Variants in PRKCI observed in about 807,000 individuals in gnomAD.
The protein encoded by PRKCI is protein kinase C iota type.
A neutral mutation model predicts 84.0 loss-of-function variants in PRKCI; 43 were observed. The ratio of observed to expected loss-of-function variants is 0.51; its 90% CI spans 0.40 to 0.66. The LOEUF is 0.66. PRKCI is among the 30% of genes least tolerant of loss of function. The pLI is 0.00. For synonymous variants in PRKCI, 216 were observed against 234.4 expected (o/e 0.92, Z 0.72); for missense variants, 459 against 745.6 (o/e 0.62, Z 4.48).
At chr3:170,224,012 A>T (rs1326289777) in intron 1 of PRKCI, among the ~76,000 whole-genome samples, 1 of 151,234 alleles carries the variant, frequency 6.6e-6, no homozygotes, top group East Asian at 1.9e-4. Flanking sequence ...GGTGTGCTGC[A>T]CCCATTAACT....
intron 1 of PRKCI, among the ~76,000 whole-genome samples, chr3:170,226,139 C>G (rs1732621956): frequency 6.6e-6 from 1 of 152,144 alleles, no homozygotes; most frequent in African/African-American, 2.4e-5. Flanking sequence ...CTCCCAACTT[C>G]TGACCTCAAG....
chr3:170,252,324 G>A (rs1733472307), intron 2 of PRKCI, among the ~76,000 whole-genome samples: 1 of 57,068 alleles, frequency 1.8e-5, no homozygotes, highest in African/African-American at 4.6e-5. Context: ...TAAATGGGCA[G>A]ACTTTTTTTT....
chr3:170,250,978 A>G (rs1396024920), intron 2 of PRKCI, among the ~76,000 whole-genome samples: 1 of 152,208 alleles, frequency 6.6e-6, no homozygotes, highest in Non-Finnish European at 1.5e-5. Context: ...TTATAAAATG[A>G]GCATATGAAA....
chr3:170,285,149 G>A (rs960437200), intron 12 of PRKCI, among the ~76,000 whole-genome samples: 1 of 147,988 alleles, frequency 6.8e-6, no homozygotes, highest in Non-Finnish European at 1.5e-5. Flanking sequence ...GCGCAATCTC[G>A]GCTCAGTGCC....
chr3:170,305,716 G>T lies in PRKCI; in HGVS notation c.*2589G>T, dbSNP rs2108871124. ...CTCAAAATACTCAACAGGGGAATAG[G>T]CAGCGGACAGTCAGAATGGTTGGAA... On this transcript the variant is annotated 3_prime_UTR_variant, in exon 18 of 18. Transcript: ENST00000295797. 6.6e-6 allele frequency: 1 copy of T among 152,288 alleles called. No individual in the cohort carries two copies. Among genetic ancestry groups the T allele is most frequent in the East Asian group, 1.9e-4 (1 of 5,184 alleles). The allele number at this position is 152,288 out of a possible 1,614,324, so 9.4% of individuals were successfully genotyped here.
chr3:170,293,223 G>T, intron 13 of PRKCI, 160 bp from the exon 14 acceptor site: 1 of 544,034 alleles, frequency 1.8e-6, no homozygotes, highest in South Asian at 3.7e-5. Context: ...GTTGATAAAT[G>T]AAGCATTTCT....
intron 2 of PRKCI, among the ~76,000 whole-genome samples, chr3:170,247,730 CAAAAAAAAAAAAAAAAA>C (rs72411481): frequency 3.6e-5 from 1 of 27,896 alleles, no homozygotes; most frequent in Non-Finnish European, 6.4e-5. Flanking sequence ...AACTCTGTCT[CAAAAAAAAAAAAAAAAA>C]AAAAAAAAAA....
At chr3:170,285,907 C>G (rs1164035230) in intron 12 of PRKCI, among the ~76,000 whole-genome samples, 1 of 148,030 alleles carries the variant, frequency 6.8e-6, no homozygotes, top group African/African-American at 2.5e-5. Flanking sequence ...CCATCCCTGG[C>G]TAATTTTAAT....
chr3:170,288,524 G>A (rs1307222544), intron 12 of PRKCI, among the ~76,000 whole-genome samples: 4 of 152,172 alleles, frequency 2.6e-5, no homozygotes, highest in Admixed American at 6.5e-5. Context: ...CAAGGCAGGC[G>A]GATTACTTGA....
At chr3:170,281,353 T>C (rs1359681201) in intron 10 of PRKCI, 90 bp downstream of exon 10, 7 of 1,008,972 alleles carry the variant, frequency 6.9e-6, no homozygotes, top group Admixed American at 5.8e-5. Flanking sequence ...ATTCATGAAG[T>C]TGATATCATG....
At chr3:170,235,566 C>CTTTTTTTTGTTTTT (rs1336042523) in intron 2 of PRKCI, among the ~76,000 whole-genome samples, 3 of 136,236 alleles carry the variant, frequency 2.2e-5, no homozygotes, top group African/African-American at 8.0e-5. Context: ...ATTAACTTGA[C>CTTTTTTTTGTTTTT]TTTTTTTTTT....
chr3:170,236,059 T>A (rs1046844251), intron 2 of PRKCI, among the ~76,000 whole-genome samples: 6 of 151,512 alleles, frequency 4.0e-5, no homozygotes, highest in Non-Finnish European at 1.5e-5. Context: ...GTACTGGGAT[T>A]GCAAGCAGGA....
At chr3:170,241,642 C>CT (rs1733135408) in intron 2 of PRKCI, among the ~76,000 whole-genome samples, 1 of 151,846 alleles carries the variant, frequency 6.6e-6, no homozygotes, top group South Asian at 2.1e-4. Context: ...CGTAGTTCAC[C>CT]TTTGTTTTGA....
At chr3:170,291,176 A>T (rs1161247370) in intron 12 of PRKCI, among the ~76,000 whole-genome samples, 1 of 152,102 alleles carries the variant, frequency 6.6e-6, no homozygotes, top group Non-Finnish European at 1.5e-5. Flanking sequence ...AAACAGAAGG[A>T]AAATATTGTA....
chr3:170,300,704 A>G (rs1001610017), intron 17 of PRKCI, among the ~76,000 whole-genome samples: 18 of 124,152 alleles, frequency 1.4e-4, no homozygotes, highest in Non-Finnish European at 2.7e-4. Flanking sequence ...TTTTTTTTTT[A>G]CTGTCAACAC....
chr3:170,267,820 A>C (rs1344186317), intron 4 of PRKCI, 95 bp from the exon 5 acceptor site: 2 of 794,858 alleles, frequency 2.5e-6, no homozygotes, highest in East Asian at 2.9e-5. Context: ...TTTTTCTTGC[A>C]GTGAGTATCA....
chr3:170,240,911 A>G (rs1180233770), intron 2 of PRKCI, among the ~76,000 whole-genome samples: 1 of 152,242 alleles, frequency 6.6e-6, no homozygotes. Flanking sequence ...CTAACTAAAC[A>G]TTTTAGAATG....
chr3:170,275,222 T>A lies in PRKCI; in HGVS notation c.647-7T>A, dbSNP rs921141239. The stretch of plus-strand genomic sequence containing the variant: ...TTTTTTTTTAATGTTTGGTATTGGG[T>A]TTTTAGTAATTCCATATAATCCTTC... On this transcript the variant is annotated splice_polypyrimidine_tract_variant and splice_region_variant and intron_variant, in intron 7 of 17. Coordinates refer to ENST00000295797, the MANE Select transcript of PRKCI (RefSeq NM_002740.6). The A allele has an allele frequency of 1.3e-6, 2 of 1,550,168 alleles. No individual in the cohort carries two copies. Among genetic ancestry groups the A allele is most frequent in the African/African-American group, 2.8e-5 (2 of 71,992 alleles).
chr3:170,284,353 T>C, intron 11 of PRKCI, 108 bp from the exon 12 acceptor site: 6 of 987,080 alleles, frequency 6.1e-6, no homozygotes, highest in Non-Finnish European at 8.6e-6. Context: ...GTTCCTAAAA[T>C]CACTGGGAGA....
Sources: gnomAD v4.1 joint callset for allele counts (sites outside exome capture counted in the v4.1 genomes callset) on GRCh38, gnomAD v4.1.1 for gene constraint, MANE v1.5 for transcripts, NCBI Gene and HGNC (gene_info 2026-07-23, HGNC 2026-07-21) for gene names.